Variants in NEGR1 observed in about 807,000 individuals in gnomAD.
NEGR1 encodes neuronal growth regulator 1, also known as IgLON family member 4.
NEGR1 carries 10 observed loss-of-function variants against 40.9 expected under a neutral mutation model. The ratio of observed to expected loss-of-function variants is 0.24; its 90% confidence interval spans 0.15 to 0.42. The LOEUF is 0.42. Ranked by LOEUF, NEGR1 falls within the 10% of genes least tolerant of loss-of-function variation. The pLI is 1.00. For synonymous variants in NEGR1, 185 were observed against 166.8 expected (o/e 1.11, Z -0.84); for missense variants, 352 against 438.9 (o/e 0.80, Z 1.77).
intron 3 of NEGR1, among the ~76,000 whole-genome samples, chr1:71,707,228 G>A (rs538890030): frequency 1.9e-4 from 29 of 152,204 alleles, no homozygotes; most frequent in South Asian, 1.2e-3. Flanking sequence ...CTGACTCTTG[G>A]GTGGCATTTC....
chr1:72,221,491 A>G (rs953551220), intron 1 of NEGR1, among the ~76,000 whole-genome samples: 2 of 152,196 alleles, frequency 1.3e-5, no homozygotes, highest in African/African-American at 4.8e-5. Context: ...ATGAGCAATA[A>G]CAAAATCACA....
intron 1 of NEGR1, among the ~76,000 whole-genome samples, chr1:72,172,234 A>G (rs1651989962): frequency 6.6e-6 from 1 of 152,128 alleles, no homozygotes; most frequent in Non-Finnish European, 1.5e-5. Flanking sequence ...AGGCAGGTAT[A>G]ATAAAATATT....
At chr1:71,968,070 T>A (rs972631058) in intron 1 of NEGR1, among the ~76,000 whole-genome samples, 3 of 152,222 alleles carry the variant, frequency 2.0e-5, no homozygotes, top group African/African-American at 7.2e-5. Context: ...ATGTTGTATC[T>A]TTAAAAATAT....
In NEGR1 at chr1:71,801,307, C is replaced by T. The variant is rs1368946403; in HGVS notation, c.410-25010G>A. Among the ~76,000 whole-genome samples the T allele has an allele frequency of 2.0e-5, 3 of 152,248 alleles. No homozygotes were observed. The East Asian group carries it at 5.8e-4, about 29-fold the overall frequency. On this transcript the variant is annotated intron_variant, in intron 2 of 6. Coordinates refer to ENST00000357731, the MANE Select transcript of NEGR1 (RefSeq NM_173808.3). ...GTTGGACCTCCTTTTATCTACATTA[C>T]TGCTTTAGTGAGTCCATCACATTTT... is the stretch of plus-strand genomic sequence containing the variant.
intron 5 of NEGR1, among the ~76,000 whole-genome samples, chr1:71,600,828 C>T (rs367807678): frequency 1.2e-4 from 19 of 152,266 alleles, no homozygotes; most frequent in Admixed American, 8.5e-4. Context: ...TATTTTAGAA[C>T]GATCATTACG....
intron 1 of NEGR1, among the ~76,000 whole-genome samples, chr1:72,029,816 C>A (rs2100436394): frequency 6.6e-6 from 1 of 152,178 alleles, no homozygotes; most frequent in Non-Finnish European, 1.5e-5. Context: ...GAATAAAAAT[C>A]TCTAAAAAAG....
intron 3 of NEGR1, among the ~76,000 whole-genome samples, chr1:71,709,985 C>A (rs1353761014): frequency 6.6e-6 from 1 of 152,126 alleles, no homozygotes; most frequent in African/African-American, 2.4e-5. Flanking sequence ...TTGCAAAGTA[C>A]CCCTCTGACA....
At position 71,685,521 on chromosome 1, in the gene NEGR1, C is replaced by A. The variant is rs1653002678; in HGVS notation, c.667+12487G>T. ...ATTTTTAGTAAAGATGGGGTTTCAC[C>A]ATATTGGCCAGCCTGCTCTTGAACT... On this transcript the variant is annotated intron_variant, in intron 4 of 6. Coordinates refer to ENST00000357731, the MANE Select transcript of NEGR1 (RefSeq NM_173808.3). 2.6e-5 allele frequency among the ~76,000 whole-genome samples: 4 copies of A among 152,102 alleles called. No individual in the cohort carries two copies. The South Asian group carries it at 8.3e-4, about 31-fold the overall frequency.
chr1:71,547,306 A>G (rs1647931724), intron 6 of NEGR1, among the ~76,000 whole-genome samples: 1 of 151,776 alleles, frequency 6.6e-6, no homozygotes, highest in Non-Finnish European at 1.5e-5. Flanking sequence ...TTCATTTGTC[A>G]AGAGACAGAG....
At chr1:71,436,674 T>G (rs1356162750) in intron 6 of NEGR1, among the ~76,000 whole-genome samples, 5 of 152,164 alleles carry the variant, frequency 3.3e-5, no homozygotes, top group Non-Finnish European at 7.4e-5. Flanking sequence ...CCACCTGTTT[T>G]GCCTCTGCCA....
chr1:71,885,578 A>T (rs1441476622), intron 2 of NEGR1, among the ~76,000 whole-genome samples: 1 of 152,214 alleles, frequency 6.6e-6, no homozygotes, highest in Non-Finnish European at 1.5e-5. Context: ...GAATTAAAAA[A>T]CACGAAGTGT....
At chr1:71,794,776 G>C (rs1400061787) in intron 2 of NEGR1, among the ~76,000 whole-genome samples, 2 of 152,014 alleles carry the variant, frequency 1.3e-5, no homozygotes, top group African/African-American at 4.8e-5. Flanking sequence ...GTATATGTGA[G>C]ATACCATAAA....
chr1:71,863,772 T>C (rs1396013738), intron 2 of NEGR1, among the ~76,000 whole-genome samples: 1 of 152,116 alleles, frequency 6.6e-6, no homozygotes, highest in Non-Finnish European at 1.5e-5. Flanking sequence ...CTGAGCGCCT[T>C]AGGGAATATA....
chr1:71,574,252 A>G (rs1648891056), intron 6 of NEGR1, among the ~76,000 whole-genome samples: 1 of 152,186 alleles, frequency 6.6e-6, no homozygotes, highest in Non-Finnish European at 1.5e-5. Flanking sequence ...GGAAACTGAC[A>G]CAAACATGTT....
chr1:71,964,393 C>A (rs1312235705), intron 1 of NEGR1, among the ~76,000 whole-genome samples: 3 of 152,130 alleles, frequency 2.0e-5, no homozygotes, highest in African/African-American at 7.2e-5. Flanking sequence ...CATTACTCCT[C>A]TCAGGATGTT....
At chr1:71,946,273 T>C (rs1382610630) in intron 1 of NEGR1, among the ~76,000 whole-genome samples, 15 of 152,122 alleles carry the variant, frequency 9.9e-5, no homozygotes, top group Non-Finnish European at 2.2e-4. Context: ...ACAGGGTCTA[T>C]TATGTTGCCC....
At chr1:71,505,680 AG>A (rs1647028127) in intron 6 of NEGR1, among the ~76,000 whole-genome samples, 1 of 152,208 alleles carries the variant, frequency 6.6e-6, no homozygotes, top group Non-Finnish European at 1.5e-5. Context: ...CTTTAGGACT[AG>A]GGACCTCTTT....
At chr1:71,956,982 A>C (rs1180098608) in intron 1 of NEGR1, among the ~76,000 whole-genome samples, 1 of 152,174 alleles carries the variant, frequency 6.6e-6, no homozygotes, top group East Asian at 1.9e-4. Flanking sequence ...ATGTGCATAT[A>C]AATGAATTAA....
chr1:72,023,849 T>G (rs1009683526), intron 1 of NEGR1, among the ~76,000 whole-genome samples: 1 of 152,062 alleles, frequency 6.6e-6, no homozygotes, highest in African/African-American at 2.4e-5. Flanking sequence ...TATTATATTC[T>G]CCTATCAAAT....
Sources: allele counts gnomAD v4.1 joint callset (sites outside exome capture counted in the v4.1 genomes callset), GRCh38; gene constraint gnomAD v4.1.1; transcripts MANE v1.5; gene names NCBI Gene and HGNC (gene_info 2026-07-23, HGNC 2026-07-21).